CCDC7: variants seen among roughly 807,000 people sequenced by gnomAD.
CCDC7 encodes the protein coiled-coil domain-containing protein 7.
Under a neutral mutation model 196.9 loss-of-function variants are expected in CCDC7, and 183 were observed. The observed-to-expected ratio is 0.93, with a 90% CI of 0.82 to 1.05. CCDC7 has a LOEUF of 1.05. Ranked by LOEUF, CCDC7 falls within the 50% of genes least tolerant of loss-of-function variation. The pLI is 0.00. For synonymous variants in CCDC7, 525 were observed against 484.6 expected (o/e 1.08, Z -1.10); for missense variants, 1,540 against 1,482.2 (o/e 1.04, Z -0.64).
At position 32,543,383 on chromosome 10, in the gene CCDC7, AAAGT is replaced by A. The variant is rs1372350748; in HGVS notation, c.1079+2_1079+5del. 7.3e-7 allele frequency: 1 copy of A among 1,377,614 alleles called. No homozygotes were observed. The highest frequency in any genetic ancestry group is 2.6e-5 in the Admixed American group (1 of 37,808). 85.3% of individuals were successfully genotyped at this position (1,377,614 alleles called of 1,614,324 possible). Reference sequence around the variant, plus strand: ...ACAAAGGAAAATCTGAGGATTCAGAAAAGTAAGACATAAAGATACATGTTAATCT... The same window carrying A: ...ACAAAGGAAAATCTGAGGATTCAGAAAAGACATAAAGATACATGTTAATCT... On this transcript the variant is annotated splice_donor_variant and coding_sequence_variant, in exon 12 of 42. Transcript: ENST00000639629. LOFTEE classifies it high-confidence loss of function.
chr10:32,856,886 T>C (rs143402196), intron 41 of CCDC7, among the ~76,000 whole-genome samples: 153 of 152,180 alleles, frequency 1.0e-3, no homozygotes, highest in African/African-American at 3.6e-3. Context: ...TACTTGGCCT[T>C]GTGGGAGAGC....
Position 32,757,280 on chromosome 10 carries a change from C to T in CCDC7, c.2906-21697C>T, listed in dbSNP as rs565282095. ...ATAGACATCTGCAGAAATCTCCCCC[C>T]GAAATCAACAGAATACACATTCTTC... is the stretch of plus-strand genomic sequence containing the variant. On this transcript the variant is annotated intron_variant, in intron 28 of 41. Coordinates refer to ENST00000639629, the Ensembl canonical transcript of CCDC7. 8.5e-5 allele frequency among the ~76,000 whole-genome samples: 13 copies of T among 152,282 alleles called. No individual in the cohort carries two copies. In the South Asian group the frequency reaches 1.4e-3, roughly 17 times the overall value.
chr10:32,618,690 A>T (rs188428495), intron 18 of CCDC7, among the ~76,000 whole-genome samples: 53 of 151,946 alleles, frequency 3.5e-4, no homozygotes, highest in Non-Finnish European at 6.2e-4. Context: ...TTTGTAGGTC[A>T]CCAGCTGATT....
intron 11 of CCDC7, among the ~76,000 whole-genome samples, chr10:32,541,430 C>T (rs952002327): frequency 1.3e-5 from 2 of 152,092 alleles, no homozygotes; most frequent in Non-Finnish European, 2.9e-5. Context: ...CCTGGGAAAA[C>T]AGGTGGCTAC....
chr10:32,577,754 A>G (rs776244375), intron 16 of CCDC7, among the ~76,000 whole-genome samples: 12 of 152,160 alleles, frequency 7.9e-5, no homozygotes, highest in African/African-American at 2.4e-4. Flanking sequence ...GAATTTGTCT[A>G]AGGTCTAATT....
chr10:32,483,175 T>C (rs2134185510), intron 8 of CCDC7, among the ~76,000 whole-genome samples: 1 of 152,336 alleles, frequency 6.6e-6, no homozygotes, highest in East Asian at 1.9e-4. Flanking sequence ...TTCCTGACTT[T>C]TTAATGATCA....
intron 41 of CCDC7, among the ~76,000 whole-genome samples, chr10:32,861,131 A>AAAC (rs1555202661): frequency 2.0e-5 from 3 of 148,664 alleles, no homozygotes; most frequent in Non-Finnish European, 4.5e-5. Flanking sequence ...AAAAAAAAAA[A>AAAC]AAAGAAAGCT....
intron 17 of CCDC7, 44 bp downstream of exon 18, chr10:32,583,351 C>A: frequency 8.9e-7 from 1 of 1,129,200 alleles, no homozygotes; most frequent in South Asian, 4.6e-5. Flanking sequence ...TTTCATATTG[C>A]TCCTTCAATA....
intron 9 of CCDC7, among the ~76,000 whole-genome samples, chr10:32,501,019 A>G (rs2043940331): frequency 6.6e-6 from 1 of 152,012 alleles, no homozygotes; most frequent in Non-Finnish European, 1.5e-5. Flanking sequence ...TCCGCTCGGC[A>G]TCAGAGGGAG....
At chr10:32,859,497 C>T (rs1057357064) in intron 41 of CCDC7, among the ~76,000 whole-genome samples, 1 of 152,034 alleles carries the variant, frequency 6.6e-6, no homozygotes, top group Non-Finnish European at 1.5e-5. Flanking sequence ...ACTAACATCA[C>T]AATTAAAAGA....
intron 16 of CCDC7, among the ~76,000 whole-genome samples, chr10:32,578,227 C>T (rs988741465): frequency 5.9e-5 from 9 of 151,922 alleles, no homozygotes; most frequent in Admixed American, 2.0e-4. Flanking sequence ...CAAGGAAAAT[C>T]GTTTGTGGTT....
intron 8 of CCDC7, among the ~76,000 whole-genome samples, chr10:32,484,894 G>T (rs1226964277): frequency 6.6e-6 from 1 of 152,110 alleles, no homozygotes; most frequent in Non-Finnish European, 1.5e-5. Flanking sequence ...GCTGAATTTG[G>T]TTTGCCAGTA....
At chr10:32,785,952 C>T (rs4253979) in intron 29 of CCDC7, among the ~76,000 whole-genome samples, 149,899 of 152,306 alleles carry the variant, frequency 0.98, 73,805 homozygotes, top group Middle Eastern at 1. Context: ...CTGTTAATAC[C>T]TGTGATTAAC....
intron 18 of CCDC7, among the ~76,000 whole-genome samples, chr10:32,604,180 C>T (rs1269531251): frequency 1.3e-5 from 2 of 152,086 alleles, no homozygotes; most frequent in Non-Finnish European, 2.9e-5. Context: ...TTCCAAGCAC[C>T]ATTTTTAGAG....
chr10:32,564,709 G>C (rs901192508), intron 13 of CCDC7, among the ~76,000 whole-genome samples: 15 of 152,076 alleles, frequency 9.9e-5, no homozygotes, highest in Middle Eastern at 6.8e-3. Context: ...CTATAATGAC[G>C]AGTTAATGGG....
intron 31 of CCDC7, among the ~76,000 whole-genome samples, chr10:32,819,130 G>A (rs2089566398): frequency 1.3e-5 from 2 of 152,092 alleles, no homozygotes; most frequent in Non-Finnish European, 2.9e-5. Context: ...TGATAAAGGG[G>A]ATATCACCAT....
intron 28 of CCDC7, among the ~76,000 whole-genome samples, chr10:32,753,705 T>A (rs2075993606): frequency 6.6e-6 from 1 of 152,200 alleles, no homozygotes; most frequent in Admixed American, 6.5e-5. Context: ...CTATTTCTTT[T>A]GCTACCATTT....
chr10:32,651,402 G>A (rs1352759619), intron 20 of CCDC7, among the ~76,000 whole-genome samples: 7 of 152,100 alleles, frequency 4.6e-5, no homozygotes, highest in Non-Finnish European at 7.4e-5. Flanking sequence ...AAATTATGTT[G>A]GTATAGTCGA....
rs567658319 is a variant in CCDC7 at position 32,501,843 on chromosome 10, C to T, written c.872+9846C>T. On this transcript the variant is annotated intron_variant, in intron 9 of 41. Coordinates refer to ENST00000639629, the Ensembl canonical transcript of CCDC7. ...TCAGGGACCCACTTGAGAAGGCAGT[C>T]TGTCCGTTGTCAGAGCTTGAACACT... Among the ~76,000 whole-genome samples the T allele has an allele frequency of 2.0e-5, 3 of 152,338 alleles. No homozygotes were observed. The South Asian group carries it at 6.2e-4, about 32-fold the overall frequency.
Sources: gnomAD v4.1 joint callset for allele counts (sites outside exome capture counted in the v4.1 genomes callset) on GRCh38, gnomAD v4.1.1 for gene constraint, MANE v1.5 for transcripts, NCBI Gene and HGNC (gene_info 2026-07-23, HGNC 2026-07-21) for gene names.